DEPDC5: variants seen among roughly 807,000 people sequenced by gnomAD.
DEPDC5 encodes the protein GATOR1 complex protein DEPDC5.
In DEPDC5, 73 loss-of-function variants were observed where a neutral mutation model predicts 217.3. That is an observed-to-expected ratio of 0.34 (90% CI 0.28 to 0.41). The LOEUF is 0.41. Among genes scored for constraint, DEPDC5 ranks in the 10% least tolerant of loss-of-function variants. The probability of loss-of-function intolerance (pLI) is 1.00; values close to 1 mark genes in which losing one functional copy is unlikely to be tolerated. For missense variants in DEPDC5, 1,675 were observed against 2,070.1 expected, an observed-to-expected ratio of 0.81 and a Z score of 3.70; for synonymous variants, 733 against 756.7, an observed-to-expected ratio of 0.97 and a Z score of 0.51.
intron 7 of DEPDC5, among the ~76,000 whole-genome samples, chr22:31,776,572 C>CTTTTTTTTTTTTTTTTTTTTTTTTT: frequency 9.6e-6 from 1 of 104,172 alleles, no homozygotes; most frequent in Non-Finnish European, 1.8e-5. Flanking sequence ...GTACTATTCA[C>CTTTTTTTTTTTTTTTTTTTTTTTTT]TTTTTTTTTT....
Position 31,890,065 on chromosome 22 carries a change from G to A in DEPDC5, c.4034-3517G>A, listed in dbSNP as rs1202181851. ...GAGACCAGCAGGAACAGAAGGAAAA[G>A]AGGAGAGTTACAAGTTAGGTGGCTG... On this transcript the variant is annotated intron_variant, in intron 38 of 42. Coordinates refer to ENST00000651528, the MANE Select transcript of DEPDC5 (RefSeq NM_001242896.3). Among the ~76,000 whole-genome samples, 5 of 152,296 alleles carry A rather than the reference G, an allele frequency of 3.3e-5. No individual in the cohort carries two copies. The East Asian group carries it at 7.7e-4, about 24-fold the overall frequency.
At chr22:31,810,721 G>C (rs1363202006) in intron 20 of DEPDC5, 80 bp downstream of exon 20, 4 of 1,554,974 alleles carry the variant, frequency 2.6e-6, no homozygotes, top group Admixed American at 2.1e-5. Context: ...CTCTAAGAGA[G>C]CAACCTTGAA....
At position 31,792,107 on chromosome 22, in the gene DEPDC5, G is replaced by A. The variant is rs1060501485; in HGVS notation, c.694+5G>A. 1 of 1,600,584 alleles carries A rather than the reference G, an allele frequency of 6.2e-7. No individual in the cohort carries two copies. Among genetic ancestry groups the A allele is most frequent in the Non-Finnish European group, 8.6e-7 (1 of 1,168,996 alleles). On this transcript the variant is annotated splice_donor_5th_base_variant and intron_variant, in intron 11 of 42. Coordinates refer to ENST00000651528, the MANE Select transcript of DEPDC5 (RefSeq NM_001242896.3). ...TCTATGATGCAAAATCTGTTGGTGAGTAACTATTTCTCTCCTACAGTTATG... is the reference window on the plus strand; with the variant it reads ...TCTATGATGCAAAATCTGTTGGTGAATAACTATTTCTCTCCTACAGTTATG...
intron 36 of DEPDC5, among the ~76,000 whole-genome samples, chr22:31,874,780 CA>C (rs2092945332): frequency 6.6e-6 from 1 of 152,170 alleles, no homozygotes; most frequent in South Asian, 2.1e-4. Context: ...GGCTCTGACC[CA>C]GGGGCCTTCT....
At chr22:31,846,145 A>G (rs1429124446) in intron 30 of DEPDC5, among the ~76,000 whole-genome samples, 1 of 152,060 alleles carries the variant, frequency 6.6e-6, no homozygotes, top group Non-Finnish European at 1.5e-5. Context: ...GTTCTCCCCC[A>G]TCTCTAATCC....
At chr22:31,757,903 A>G (rs2082066139) in intron 2 of DEPDC5, among the ~76,000 whole-genome samples, 1 of 152,096 alleles carries the variant, frequency 6.6e-6, no homozygotes, top group Non-Finnish European at 1.5e-5. Context: ...AGCTGGGATT[A>G]CAGGCTCCCA....
intron 38 of DEPDC5, among the ~76,000 whole-genome samples, chr22:31,883,499 C>T (rs568103898): frequency 1.3e-5 from 2 of 152,050 alleles, no homozygotes; most frequent in Admixed American, 6.6e-5. Flanking sequence ...TGCTGTGGTG[C>T]GATGGTAATA....
At chr22:31,878,173 G>A (rs563182178) in intron 37 of DEPDC5, among the ~76,000 whole-genome samples, 21 of 150,498 alleles carry the variant, frequency 1.4e-4, no homozygotes, top group Middle Eastern at 3.5e-3. Flanking sequence ...GTGACAGAGC[G>A]AGACTCCATC....
At chr22:31,782,600 C>G (rs942738106) in intron 8 of DEPDC5, among the ~76,000 whole-genome samples, 13 of 152,294 alleles carry the variant, frequency 8.5e-5, no homozygotes, top group South Asian at 6.2e-4. Flanking sequence ...TTGAGGCAGT[C>G]TGAGTGTAGT....
chr22:31,879,486 T>TA (rs769008884), intron 37 of DEPDC5, 39 bp from the exon 38 acceptor site: 1 of 1,576,140 alleles, frequency 6.3e-7, no homozygotes, highest in East Asian at 2.2e-5. Context: ...AATAAGCATT[T>TA]GTGTTGAGTA....
At chr22:31,776,277 A>AT in intron 7 of DEPDC5, among the ~76,000 whole-genome samples, 1 of 151,474 alleles carries the variant, frequency 6.6e-6, no homozygotes, top group Non-Finnish European at 1.5e-5. Context: ...TACCTGCCTA[A>AT]TTTTTTGTAT....
At chr22:31,862,918 T>G (rs181048338) in intron 33 of DEPDC5, among the ~76,000 whole-genome samples, 1 of 152,298 alleles carries the variant, frequency 6.6e-6, no homozygotes, top group Admixed American at 6.5e-5. Context: ...TTTACTTTCT[T>G]TTTTTTAGAG....
chr22:31,796,369 C>T (rs2086248731), intron 12 of DEPDC5, among the ~76,000 whole-genome samples: 1 of 152,180 alleles, frequency 6.6e-6, no homozygotes, highest in Non-Finnish European at 1.5e-5. Context: ...TCCCAGAGTG[C>T]TGGGATTACA....
intron 37 of DEPDC5, among the ~76,000 whole-genome samples, chr22:31,877,294 G>A (rs1282693291): frequency 5.9e-5 from 9 of 151,466 alleles, no homozygotes; most frequent in South Asian, 4.2e-4. Flanking sequence ...AAAATTAGCC[G>A]GGTGTGGCGG....
chr22:31,774,204 C>T (rs920775259), intron 7 of DEPDC5, among the ~76,000 whole-genome samples: 3 of 142,434 alleles, frequency 2.1e-5, no homozygotes, highest in African/African-American at 7.7e-5. Context: ...CACATTGTAA[C>T]TTTTTTTTTT....
At position 31,879,527 on chromosome 22, in the gene DEPDC5, G is replaced by A. The variant is rs764530690; in HGVS notation, c.3808G>A (p.Ala1270Thr). 1.2e-6 allele frequency: 2 copies of A among 1,608,790 alleles called. No individual in the cohort carries two copies. The highest frequency in any genetic ancestry group is 2.2e-5 in the South Asian group (2 of 91,076). The change falls in exon 38 of 43, where the codon GCC becomes ACC. Residue 1270 changes from alanine to threonine, a missense_variant and splice_region_variant. Coordinates refer to ENST00000651528, the MANE Select transcript of DEPDC5 (RefSeq NM_001242896.3). ...IVTDKEPDRVAMQQPATTWHT... is the reference protein window; with the variant it reads ...IVTDKEPDRVTMQQPATTWHT... ...TCTCTCCCCTCCACTTTTCCCAGTGGCCATGCAGCAGCCCGCCACCACCTG... is the reference window on the plus strand; with the variant it reads ...TCTCTCCCCTCCACTTTTCCCAGTGACCATGCAGCAGCCCGCCACCACCTG...
At chr22:31,825,151 T>G (rs2090044873) in intron 24 of DEPDC5, among the ~76,000 whole-genome samples, 1 of 152,274 alleles carries the variant, frequency 6.6e-6, no homozygotes, top group South Asian at 2.1e-4. Flanking sequence ...CTAGTTTCAC[T>G]GGTTAACTGA....
intron 34 of DEPDC5, 166 bp from the exon 35 acceptor site, chr22:31,873,089 A>G (rs1036815055): frequency 7.3e-7 from 1 of 1,360,958 alleles, no homozygotes; most frequent in Non-Finnish European, 9.9e-7. Flanking sequence ...GAAACCCCCT[A>G]TGAGATAACC....
Position 31,906,187 on chromosome 22 carries a change from G to A in DEPDC5, c.4520-18G>A, listed in dbSNP as rs747098092. 25 of 1,612,812 alleles carry A rather than the reference G, an allele frequency of 1.6e-5. No homozygotes were observed. The South Asian group carries it at 1.8e-4, about 11-fold the overall frequency. ...CCCTCCTGGTGGCTGCCACACAGGC[G>A]CTCCCCTTTCTCTTCAGGAACAGTG... On this transcript the variant is annotated intron_variant, in intron 42 of 42. Transcript: ENST00000651528. This position sits in a 1 kb window ranked among gnomAD's most constrained non-coding sequence, Gnocchi z 5.1.
Sources: gnomAD v4.1 joint callset for allele counts (sites outside exome capture counted in the v4.1 genomes callset) on GRCh38, gnomAD v4.1.1 for gene constraint, Gnocchi (gnomAD v3.1) non-coding constraint, MANE v1.5 for transcripts, NCBI Gene and HGNC (gene_info 2026-07-23, HGNC 2026-07-21) for gene names.